OPCML: variants seen among roughly 807,000 people sequenced by gnomAD.
The protein encoded by OPCML is opioid-binding protein/cell adhesion molecule.
A neutral mutation model predicts 37.8 loss-of-function variants in OPCML; 13 were observed. That is an observed-to-expected ratio of 0.34 (90% CI 0.22 to 0.55). The LOEUF (loss-of-function observed/expected upper bound fraction) is 0.55. Among genes scored for constraint, OPCML ranks in the 20% least tolerant of loss-of-function variants. OPCML has a pLI of 0.91. For synonymous variants in OPCML, 176 were observed against 168.8 expected (o/e 1.04, Z -0.33); for missense variants, 341 against 435.6 (o/e 0.78, Z 1.93).
intron 7 of OPCML, among the ~76,000 whole-genome samples, chr11:132,422,749 C>T (rs1321863594): frequency 6.6e-6 from 1 of 152,216 alleles, no homozygotes; most frequent in African/African-American, 2.4e-5. Flanking sequence ...GCACCTTGAG[C>T]TGGATTAGAA....
intron 1 of OPCML, among the ~76,000 whole-genome samples, chr11:133,474,378 GAAC>G (rs1398810672): frequency 1.3e-5 from 2 of 152,104 alleles, no homozygotes; most frequent in African/African-American, 4.8e-5. Flanking sequence ...CTTCTAAAGT[GAAC>G]AACTAGAATG....
chr11:132,665,649 G>A, intron 2 of OPCML, among the ~76,000 whole-genome samples: 1 of 152,076 alleles, frequency 6.6e-6, no homozygotes, highest in East Asian at 1.9e-4. Flanking sequence ...AAAAAGTAAG[G>A]GTGAGCAGAA....
chr11:133,422,597 T>A, intron 1 of OPCML: 2 of 956,544 alleles, frequency 2.1e-6, no homozygotes, highest in Non-Finnish European at 2.5e-6. Flanking sequence ...GCTCAAGCAA[T>A]CCTGCTACCG....
intron 1 of OPCML, among the ~76,000 whole-genome samples, chr11:133,029,439 C>T (rs986464392): frequency 1.3e-5 from 2 of 152,156 alleles, no homozygotes; most frequent in African/African-American, 4.8e-5. Flanking sequence ...TCACAACATT[C>T]TTCACAATAG....
chr11:133,066,995 GATA>G (rs1948452235), intron 1 of OPCML: 1 of 152,140 alleles, frequency 6.6e-6, no homozygotes, highest in Non-Finnish European at 1.5e-5. Flanking sequence ...GTTGTGTTGA[GATA>G]ATACCTGTGA....
intron 1 of OPCML, among the ~76,000 whole-genome samples, chr11:133,140,047 C>T (rs191334343): frequency 2.0e-5 from 3 of 150,960 alleles, no homozygotes; most frequent in Non-Finnish European, 4.4e-5. Flanking sequence ...ATTTGCTAGG[C>T]GTAGTGGCGC....
intron 4 of OPCML, among the ~76,000 whole-genome samples, chr11:132,528,336 T>G (rs1437493987): frequency 6.6e-6 from 1 of 152,174 alleles, no homozygotes; most frequent in Non-Finnish European, 1.5e-5. Flanking sequence ...GAAGCTCTTG[T>G]TTCTTGTATA....
At chr11:133,224,057 TTGCAAGAAC>T (rs1419428515) in intron 1 of OPCML, among the ~76,000 whole-genome samples, 1 of 152,144 alleles carries the variant, frequency 6.6e-6, no homozygotes, top group Non-Finnish European at 1.5e-5. Context: ...ATGGACTCAT[TTGCAAGAAC>T]TGCCCAGCTG....
At chr11:132,946,047 G>T (rs1254150596) in intron 1 of OPCML, among the ~76,000 whole-genome samples, 4 of 152,192 alleles carry the variant, frequency 2.6e-5, no homozygotes, top group Admixed American at 2.6e-4. Flanking sequence ...CTCCCAAAGT[G>T]CTGGGATTAC....
At chr11:133,185,995 G>T (rs188534498) in intron 1 of OPCML, among the ~76,000 whole-genome samples, 162 of 152,200 alleles carry the variant, frequency 1.1e-3, no homozygotes, top group African/African-American at 3.9e-3. Context: ...TCCAACAATG[G>T]TATGACCATG....
chr11:132,508,249 A>AAAACC lies in OPCML; in HGVS notation c.505+20807_505+20811dup, dbSNP rs2096261616. Among the ~76,000 whole-genome samples the AAAACC allele has an allele frequency of 1.3e-5, 2 of 152,222 alleles. 1 individual carries two copies. The highest frequency in any genetic ancestry group is 4.1e-4 in the South Asian group (2 of 4,834). On this transcript the variant is annotated intron_variant, in intron 4 of 7. Coordinates refer to ENST00000524381, the MANE Select transcript of OPCML (RefSeq NM_001012393.5). ...TTATGAGGCCAGAATTACTGATACC[A>AAAACC]AAACCAGTCAGTAACATTACAGACC...
Position 132,628,702 on chromosome 11 carries a change from T to C in OPCML, c.379+28385A>G, listed in dbSNP as rs545100956. Among the ~76,000 whole-genome samples the C allele has an allele frequency of 3.2e-3, 484 of 152,232 alleles. 2 individuals carry two copies. Among genetic ancestry groups the C allele is most frequent in the African/African-American group, 0.011 (468 of 41,556 alleles). On this transcript the variant is annotated intron_variant, in intron 3 of 7. Coordinates refer to ENST00000524381, the MANE Select transcript of OPCML (RefSeq NM_001012393.5). ...CCCAGCCAAATCTCATCTTGAATTG[T>C]AGTTCTCATAATCCCCACGTGTCGT...
chr11:132,698,609 T>G (rs1943692475), intron 2 of OPCML, among the ~76,000 whole-genome samples: 1 of 152,226 alleles, frequency 6.6e-6, no homozygotes, highest in African/African-American at 2.4e-5. Flanking sequence ...TTGATTATTT[T>G]ATTTGCTGTA....
intron 2 of OPCML, among the ~76,000 whole-genome samples, chr11:132,846,379 G>T (rs534637652): frequency 2.0e-4 from 31 of 152,366 alleles, no homozygotes; most frequent in African/African-American, 7.5e-4. Context: ...CTACATTGGA[G>T]TTGGCAGATA....
chr11:133,248,224 C>CT (rs1358760178), intron 1 of OPCML, among the ~76,000 whole-genome samples: 11 of 152,086 alleles, frequency 7.2e-5, no homozygotes, highest in Non-Finnish European at 1.5e-4. Flanking sequence ...GAGCATGCCC[C>CT]TTTTTTCAAA....
intron 1 of OPCML, among the ~76,000 whole-genome samples, chr11:133,357,745 A>G (rs1002082750): frequency 5.3e-5 from 8 of 152,166 alleles, no homozygotes; most frequent in African/African-American, 1.7e-4. Context: ...TGAAGCCTAC[A>G]CTTCCCTGTC....
chr11:132,528,606 G>T (rs1312058824), intron 4 of OPCML, among the ~76,000 whole-genome samples: 1 of 152,086 alleles, frequency 6.6e-6, no homozygotes, highest in Non-Finnish European at 1.5e-5. Flanking sequence ...ACTATTTATG[G>T]ACATGTCAGA....
chr11:132,431,371 C>T lies in OPCML; in HGVS notation c.916+4715G>A, dbSNP rs140010206. Among the ~76,000 whole-genome samples the T allele has an allele frequency of 5.6e-4, 86 of 152,346 alleles. 2 individuals are homozygous for T. The highest frequency in any genetic ancestry group is 1.9e-3 in the African/African-American group (77 of 41,578). On this transcript the variant is annotated intron_variant, in intron 7 of 7. Coordinates refer to ENST00000524381, the MANE Select transcript of OPCML (RefSeq NM_001012393.5). ...TGTATCAGAGTCAGGACTGGAACCC[C>T]GTGTTCCTTGCTGCTGGCGTTGACC...
chr11:133,396,037 C>G (rs1015623593), intron 1 of OPCML, among the ~76,000 whole-genome samples: 2 of 152,066 alleles, frequency 1.3e-5, no homozygotes, highest in African/African-American at 4.8e-5. Flanking sequence ...CTTCCATTTT[C>G]TGTGTGTCCT....
Sources: allele counts gnomAD v4.1 joint callset (sites outside exome capture counted in the v4.1 genomes callset), GRCh38; gene constraint gnomAD v4.1.1; transcripts MANE v1.5; gene names NCBI Gene and HGNC (gene_info 2026-07-23, HGNC 2026-07-21).